The following DLG2 variants were observed in gnomAD, a reference collection of about 807,000 sequenced individuals.
The protein encoded by DLG2 is discs large MAGUK scaffold protein 2.
A neutral mutation model predicts 132.5 loss-of-function variants in DLG2; 45 were observed. That is an observed-to-expected ratio of 0.34 (90% CI 0.27 to 0.44). DLG2 has a LOEUF of 0.44. DLG2 is among the 20% of genes least tolerant of loss of function. DLG2 has a pLI of 1.00. For synonymous variants in DLG2, 424 were observed against 419.6 expected, an observed-to-expected ratio of 1.01 and a Z score of -0.13; for missense variants, 1,045 against 1,196.9, an observed-to-expected ratio of 0.87 and a Z score of 1.87.
At chr11:85,459,337 C>T (rs181284192) in intron 3 of DLG2, among the ~76,000 whole-genome samples, 3 of 152,224 alleles carry the variant, frequency 2.0e-5, no homozygotes, top group Admixed American at 2.0e-4. Flanking sequence ...GGTTCGAGTG[C>T]TCACAGGGAT....
intron 4 of DLG2, among the ~76,000 whole-genome samples, chr11:85,249,071 T>G (rs779334043): frequency 6.6e-6 from 1 of 152,256 alleles, no homozygotes; most frequent in Non-Finnish European, 1.5e-5. Flanking sequence ...AAAATCTTTT[T>G]CTTCACTACA....
At chr11:84,997,462 T>G (rs1434484054) in intron 6 of DLG2, 2 of 152,204 alleles carry the variant, frequency 1.3e-5, no homozygotes, top group African/African-American at 4.8e-5. Flanking sequence ...TGTTCCCAAC[T>G]AGAATGCTGT....
At chr11:84,788,330 G>A (rs949224016) in intron 6 of DLG2, among the ~76,000 whole-genome samples, 2 of 151,870 alleles carry the variant, frequency 1.3e-5, no homozygotes, top group African/African-American at 4.8e-5. Flanking sequence ...TTCAACATGA[G>A]GCACATTACT....
intron 3 of DLG2, among the ~76,000 whole-genome samples, chr11:85,407,157 G>A (rs971209580): frequency 6.6e-6 from 1 of 151,664 alleles, no homozygotes; most frequent in Non-Finnish European, 1.5e-5. Flanking sequence ...GAGGTAGAGG[G>A]ACCAAATCAT....
intron 3 of DLG2, among the ~76,000 whole-genome samples, chr11:85,374,117 GA>G (rs1047273612): frequency 3.3e-5 from 5 of 150,976 alleles, no homozygotes; most frequent in Non-Finnish European, 5.9e-5. Context: ...GGAATTATAT[GA>G]AAAAAAAAGC....
chr11:85,354,868 G>A (rs406503), intron 3 of DLG2, among the ~76,000 whole-genome samples: 1 of 151,634 alleles, frequency 6.6e-6, no homozygotes, highest in Non-Finnish European at 1.5e-5. Flanking sequence ...CAGAGGAACA[G>A]AAGACACTAC....
chr11:83,627,695 G>A (rs2062833872), intron 19 of DLG2, among the ~76,000 whole-genome samples: 1 of 152,158 alleles, frequency 6.6e-6, no homozygotes, highest in South Asian at 2.1e-4. Flanking sequence ...TGTCTTTATA[G>A]CAGCATGATT....
At chr11:84,304,297 A>T (rs1567229832) in intron 7 of DLG2, among the ~76,000 whole-genome samples, 1 of 152,204 alleles carries the variant, frequency 6.6e-6, no homozygotes, top group Non-Finnish European at 1.5e-5. Flanking sequence ...CACACTCTCT[A>T]ATCAGGGAGA....
intron 3 of DLG2, among the ~76,000 whole-genome samples, chr11:85,387,960 A>C (rs907379337): frequency 7.2e-5 from 11 of 152,182 alleles, no homozygotes; most frequent in Non-Finnish European, 1.6e-4. Flanking sequence ...CATTTGAAGG[A>C]GGTGGAATGC....
At chr11:84,279,519 T>C (rs553766602) in intron 7 of DLG2, among the ~76,000 whole-genome samples, 6 of 152,358 alleles carry the variant, frequency 3.9e-5, no homozygotes, top group Admixed American at 2.0e-4. Flanking sequence ...GTATGTTTAT[T>C]GTGGCACTGT....
intron 7 of DLG2, among the ~76,000 whole-genome samples, chr11:84,334,025 T>G (rs1235532692): frequency 1.3e-5 from 2 of 152,174 alleles, no homozygotes; most frequent in Non-Finnish European, 2.9e-5. Context: ...GGAGAGACAC[T>G]TCTACATATG....
chr11:85,510,621 A>C (rs1279104213), intron 3 of DLG2, among the ~76,000 whole-genome samples: 1 of 152,224 alleles, frequency 6.6e-6, no homozygotes, highest in Non-Finnish European at 1.5e-5. Context: ...CACATGAAAA[A>C]TGCTCATCAT....
At chr11:85,111,479 A>G (rs1018286663) in intron 6 of DLG2, among the ~76,000 whole-genome samples, 182 bp downstream of exon 6, 14 of 152,142 alleles carry the variant, frequency 9.2e-5, no homozygotes, top group Admixed American at 8.5e-4. Flanking sequence ...AAATGCATGG[A>G]ATCCCTAATC....
At chr11:85,626,922 G>A (rs189782823) in intron 1 of DLG2, among the ~76,000 whole-genome samples, 169 bp from the exon 2 acceptor site, 303 of 152,190 alleles carry the variant, frequency 2.0e-3, no homozygotes, top group Admixed American at 3.0e-3. Context: ...CATGAAGAAC[G>A]TTACTGAAAT....
intron 5 of DLG2, among the ~76,000 whole-genome samples, chr11:85,147,310 T>A (rs2076935738): frequency 1.3e-5 from 2 of 152,308 alleles, no homozygotes; most frequent in East Asian, 3.9e-4. Flanking sequence ...CCCTCCTATC[T>A]ATTGACTTTT....
At chr11:85,540,759 A>C (rs906044418) in intron 3 of DLG2, among the ~76,000 whole-genome samples, 4 of 152,220 alleles carry the variant, frequency 2.6e-5, no homozygotes, top group African/African-American at 7.2e-5. Context: ...ATAAACACTC[A>C]ACCTTAGACG....
At chr11:85,531,755 C>A (rs543402992) in intron 3 of DLG2, among the ~76,000 whole-genome samples, 1 of 152,092 alleles carries the variant, frequency 6.6e-6, no homozygotes, top group Non-Finnish European at 1.5e-5. Flanking sequence ...GAAAGACACA[C>A]GCTGCAAGAT....
Position 84,121,590 on chromosome 11 carries a change from C to A in DLG2, c.625-22543G>T, listed in dbSNP as rs2093918852. Among the ~76,000 whole-genome samples, 3 of 97,204 alleles carry A rather than the reference C, an allele frequency of 3.1e-5. 1 individual carries two copies. The highest frequency in any genetic ancestry group is 8.1e-5 in the African/African-American group (2 of 24,554). The allele number at this position is 97,204 out of a possible 152,430, so 63.8% of individuals were successfully genotyped here. On this transcript the variant is annotated intron_variant, in intron 9 of 27. Coordinates refer to ENST00000376104, the MANE Select transcript of DLG2 (RefSeq NM_001142699.3). Reference sequence around the variant, plus strand: ...TTTTTTTTTTTTTTTGAGACGGAGTCTCGCTCTGTGGCCCAGGCTGGAGTG... The same window carrying A: ...TTTTTTTTTTTTTTTGAGACGGAGTATCGCTCTGTGGCCCAGGCTGGAGTG...
intron 19 of DLG2, among the ~76,000 whole-genome samples, chr11:83,592,327 G>A (rs539769661): frequency 6.8e-6 from 1 of 146,818 alleles, no homozygotes; most frequent in African/African-American, 2.5e-5. Context: ...AGAGCCCTGA[G>A]AAATAACACC....
Sources: allele counts gnomAD v4.1 joint callset (sites outside exome capture counted in the v4.1 genomes callset), GRCh38; gene constraint gnomAD v4.1.1; transcripts MANE v1.5; gene names NCBI Gene and HGNC (gene_info 2026-07-23, HGNC 2026-07-21).